Variants in CUL2 observed in about 807,000 individuals in gnomAD.
CUL2 encodes the protein cullin 2.
In CUL2, 22 loss-of-function variants were observed where a neutral mutation model predicts 110.2. The ratio of observed to expected loss-of-function variants is 0.20; its 90% CI spans 0.14 to 0.28. The LOEUF is 0.28. Among genes scored for constraint, CUL2 ranks in the 10% least tolerant of loss-of-function variants. The probability of loss-of-function intolerance (pLI) is 1.00; values close to 1 mark genes in which losing one functional copy is unlikely to be tolerated. For synonymous variants in CUL2, 279 were observed against 293.2 expected, an observed-to-expected ratio of 0.95 and a Z score of 0.49; for missense variants, 631 against 905.5, an observed-to-expected ratio of 0.70 and a Z score of 3.89.
chr10:35,034,920 G>A (rs755583126), intron 10 of CUL2, among the ~76,000 whole-genome samples: 3 of 152,144 alleles, frequency 2.0e-5, no homozygotes, highest in Non-Finnish European at 4.4e-5. Flanking sequence ...TTATTTTCCT[G>A]TGGAAAGTTA....
intron 6 of CUL2, among the ~76,000 whole-genome samples, chr10:35,048,272 TGC>T (rs2086002892): frequency 6.6e-6 from 1 of 152,192 alleles, no homozygotes; most frequent in Non-Finnish European, 1.5e-5. Flanking sequence ...TGTGAAACAA[TGC>T]TTTAATGGAA....
In CUL2 at chr10:35,025,637, G is replaced by A. The variant is rs567276028; in HGVS notation, c.1618-439C>T. On this transcript the variant is annotated intron_variant, in intron 16 of 20. Transcript: ENST00000374749. ...TCCACATTCAATTAGACACAAATACGAAGTTTTAGGGTATATCTCTGGATT... is the reference window on the plus strand; with the variant it reads ...TCCACATTCAATTAGACACAAATACAAAGTTTTAGGGTATATCTCTGGATT... Among the ~76,000 whole-genome samples the A allele has an allele frequency of 5.6e-3, 851 of 152,198 alleles. 5 individuals carry two copies. The highest frequency in any genetic ancestry group is 9.4e-3 in the Non-Finnish European group (638 of 68,004).
chr10:35,060,654 G>GT (rs1347814142), intron 4 of CUL2, among the ~76,000 whole-genome samples: 2 of 152,314 alleles, frequency 1.3e-5, no homozygotes, highest in Non-Finnish European at 2.9e-5. Context: ...ATCGAGTACA[G>GT]TTTTACTTTT....
Position 35,011,950 on chromosome 10 carries a change from A to C in CUL2, c.2004T>G (p.Thr668=). The stretch of plus-strand genomic sequence containing the variant: ...TCCGGTCCTCATCAACTGCACTTCT[A>C]GTCTGCTCCATTTCCTGTTTTACAG... ...QKDTPQEMEQ[T]RSAVDEDRKM... The change falls in exon 20 of 21, where the codon ACT becomes ACG. Residue 668 remains threonine, a synonymous_variant. Coordinates refer to ENST00000374749, the MANE Select transcript of CUL2 (RefSeq NM_003591.4). 1 of 1,599,068 alleles carries C rather than the reference A, an allele frequency of 6.3e-7. No homozygotes were observed. Among genetic ancestry groups the C allele is most frequent in the Admixed American group, 1.7e-5 (1 of 57,582 alleles).
At chr10:35,074,063 C>G in intron 1 of CUL2, 1 of 891,380 alleles carries the variant, frequency 1.1e-6, no homozygotes, top group Non-Finnish European at 1.8e-6. Flanking sequence ...CACTAACATG[C>G]TTGGTGAATA....
chr10:35,034,496 AGATACT>A (rs2085569177), intron 10 of CUL2, among the ~76,000 whole-genome samples: 1 of 152,220 alleles, frequency 6.6e-6, no homozygotes, highest in African/African-American at 2.4e-5. Flanking sequence ...GTCTATACAC[AGATACT>A]ATCTTATAGA....
Position 35,031,656 on chromosome 10 carries a change from G to A in CUL2, c.1171-37C>T. The A allele has an allele frequency of 6.2e-7, 1 of 1,610,972 alleles. No individual in the cohort carries two copies. The highest frequency in any genetic ancestry group is 1.1e-5 in the South Asian group (1 of 90,924). ...ATTGATAATAAATCTTACAAAGGGTGCTTCTGTATATATCACGCCTCAAAG... is the reference window on the plus strand; with the variant it reads ...ATTGATAATAAATCTTACAAAGGGTACTTCTGTATATATCACGCCTCAAAG... On this transcript the variant is annotated intron_variant, in intron 12 of 20. Transcript: ENST00000374749. The surrounding 1 kb of genome is among the most constrained non-coding windows in gnomAD (Gnocchi z 4.4).
At chr10:35,060,095 AC>A (rs1382765398) in intron 4 of CUL2, among the ~76,000 whole-genome samples, 1 of 152,134 alleles carries the variant, frequency 6.6e-6, no homozygotes, top group East Asian at 1.9e-4. Context: ...CAGCATCTCT[AC>A]AAAAAATGAA....
intron 2 of CUL2, among the ~76,000 whole-genome samples, chr10:35,099,183 G>A (rs1472828547): frequency 6.6e-6 from 1 of 151,836 alleles, no homozygotes; most frequent in Non-Finnish European, 1.5e-5. Context: ...ACGAGGTCAG[G>A]AGATCCAGAC....
In CUL2 at chr10:35,010,078, C is replaced by T. The variant is rs11545108; in HGVS notation, c.*233G>A. 5,000 of 243,866 alleles carry T rather than the reference C, an allele frequency of 0.021. 72 individuals carry two copies. Among genetic ancestry groups the T allele is most frequent in the Non-Finnish European group, 0.028 (3,746 of 131,996 alleles). 15.1% of individuals were successfully genotyped at this position (243,866 alleles called of 1,614,324 possible). On this transcript the variant is annotated 3_prime_UTR_variant, in exon 21 of 21. Transcript: ENST00000374749. Reference sequence around the variant, plus strand: ...ACCGAATTTCCACTTTTCAGCAATACTTCACTCATTCTTTTAATAAAGTTT... The same window carrying T: ...ACCGAATTTCCACTTTTCAGCAATATTTCACTCATTCTTTTAATAAAGTTT...
At chr10:35,025,339 CAG>C in intron 16 of CUL2, 141 bp from the exon 17 acceptor site, 11 of 1,247,846 alleles carry the variant, frequency 8.8e-6, no homozygotes, top group Non-Finnish European at 1.0e-5. Flanking sequence ...CCTTCTTTTA[CAG>C]AGGAGAAAGC....
intron 17 of CUL2, among the ~76,000 whole-genome samples, chr10:35,017,047 GGACA>G (rs555134851): frequency 6.6e-4 from 100 of 152,114 alleles, no homozygotes; most frequent in African/African-American, 1.3e-3. Flanking sequence ...AAGGAGAAAT[GGACA>G]GACAAAGGGC....
chr10:35,094,484 C>T (rs2087266812), upstream of CUL2, among the ~76,000 whole-genome samples: 1 of 152,220 alleles, frequency 6.6e-6, no homozygotes, highest in Admixed American at 6.5e-5. Context: ...ATTTGCCCGC[C>T]TGGGCCTCCC....
At chr10:35,087,858 CA>C (rs2087101339) in intron 1 of CUL2, among the ~76,000 whole-genome samples, 1 of 139,340 alleles carries the variant, frequency 7.2e-6, no homozygotes, top group Non-Finnish European at 1.5e-5. Flanking sequence ...AGAAGAGTTC[CA>C]AAAGCCTTTT....
chr10:35,043,945 G>A (rs2085865712), intron 8 of CUL2, among the ~76,000 whole-genome samples: 1 of 149,234 alleles, frequency 6.7e-6, no homozygotes, highest in African/African-American at 2.5e-5. Flanking sequence ...GTGTGTGCCT[G>A]TAGTCCCAGC....
At chr10:35,098,473 C>T (rs1048721926) in intron 2 of CUL2, among the ~76,000 whole-genome samples, 2 of 151,464 alleles carry the variant, frequency 1.3e-5, no homozygotes, top group Admixed American at 1.3e-4. Context: ...GTAATACCAG[C>T]ACTTTAGGAA....
chr10:35,042,095 C>A (rs142689942), intron 8 of CUL2, among the ~76,000 whole-genome samples: 1 of 152,082 alleles, frequency 6.6e-6, no homozygotes, highest in Non-Finnish European at 1.5e-5. Flanking sequence ...TGTGTAATCA[C>A]CCCCATTGTC....
chr10:35,117,514 G>A (rs1269198637), intron 1 of CUL2, among the ~76,000 whole-genome samples: 1 of 149,394 alleles, frequency 6.7e-6, no homozygotes, highest in East Asian at 1.9e-4. Flanking sequence ...ACAGGCGTGA[G>A]TCACTGCAAC....
chr10:35,055,054 T>C (rs2086209044), intron 4 of CUL2, among the ~76,000 whole-genome samples: 1 of 152,116 alleles, frequency 6.6e-6, no homozygotes, highest in African/African-American at 2.4e-5. Context: ...CAGAGGAAAA[T>C]GAATTATACT....
Sources: allele counts gnomAD v4.1 joint callset (sites outside exome capture counted in the v4.1 genomes callset), GRCh38; gene constraint gnomAD v4.1.1; non-coding constraint Gnocchi (gnomAD v3.1); transcripts MANE v1.5; gene names NCBI Gene and HGNC (gene_info 2026-07-23, HGNC 2026-07-21).